Variants in UPF3B observed in about 807,000 individuals in gnomAD.
The protein encoded by UPF3B is regulator of nonsense transcripts 3B.
UPF3B carries 7 observed loss-of-function variants against 40.3 expected under a neutral mutation model. The ratio of observed to expected loss-of-function variants is 0.17; its 90% CI spans 0.10 to 0.33. The LOEUF (loss-of-function observed/expected upper bound fraction) is 0.33. Among genes scored for constraint, UPF3B ranks in the 10% least tolerant of loss-of-function variants. UPF3B has a pLI of 1.00. For synonymous variants in UPF3B, 117 were observed against 117.3 expected, an observed-to-expected ratio of 1.00 and a Z score of 0.01; for missense variants, 229 against 358.9, an observed-to-expected ratio of 0.64 and a Z score of 2.93.
chrX:119,850,812 C>A (rs890604297), intron 3 of UPF3B, among the ~76,000 whole-genome samples: 3 of 111,818 alleles, frequency 2.7e-5, no homozygotes, highest in Non-Finnish European at 5.6e-5. Flanking sequence ...GATCTCAGCT[C>A]ACTGCAACCT....
intron 4 of UPF3B, among the ~76,000 whole-genome samples, chrX:119,821,305 CTCTTT>C (rs2055916273): frequency 8.9e-6 from 1 of 112,313 alleles, no homozygotes; most frequent in Non-Finnish European, 1.9e-5. Flanking sequence ...CCAGTTAAAC[CTCTTT>C]TCTTATAAAC....
In UPF3B at chrX:119,837,998, C is replaced by T. The variant is rs751342794; in HGVS notation, c.1061G>A (p.Arg354Gln). 4 of 1,208,985 alleles carry T rather than the reference C, an allele frequency of 3.3e-6. No homozygotes were observed. The highest frequency in any genetic ancestry group is 2.2e-5 in the Admixed American group (1 of 45,489). Reference sequence around the variant, plus strand: ...TTCTCGAAGTATGCGCTCCTGATCTCGTTCATATTCCCGTTCCCTCTCCCT... The same window carrying T: ...TTCTCGAAGTATGCGCTCCTGATCTTGTTCATATTCCCGTTCCCTCTCCCT... ...DYREREREYE[R>Q]DQERILRERE... Residue 354 changes from arginine to glutamine, a missense_variant, in exon 10 of 11, where the codon CGA (arginine) becomes CAA (glutamine). Transcript: ENST00000276201.
intron 4 of UPF3B, among the ~76,000 whole-genome samples, chrX:119,817,906 G>T (rs1412441532): frequency 8.9e-6 from 1 of 111,874 alleles, no homozygotes; most frequent in African/African-American, 3.2e-5. Flanking sequence ...TGGATAACTT[G>T]TAAGAAAGGA....
intron 5 of UPF3B, among the ~76,000 whole-genome samples, chrX:119,812,158 AAGG>A (rs1196925040): frequency 9.0e-5 from 10 of 110,874 alleles, no homozygotes; most frequent in African/African-American, 2.9e-4. Context: ...GAGGCAGAGG[AAGG>A]AGAATTTCTT....
intron 1 of UPF3B, among the ~76,000 whole-genome samples, chrX:119,852,516 C>T (rs1481479946): frequency 8.9e-6 from 1 of 112,494 alleles, no homozygotes; most frequent in Non-Finnish European, 1.9e-5. Context: ...TCTTCCCTCC[C>T]ATTATCATCT....
intron 5 of UPF3B, among the ~76,000 whole-genome samples, chrX:119,813,392 C>T (rs895988797): frequency 9.1e-6 from 1 of 109,625 alleles, no homozygotes; most frequent in African/African-American, 3.3e-5. Flanking sequence ...GCACCTCCTC[C>T]CCGCACTCAC....
In UPF3B at chrX:119,834,062, G is replaced by A. The variant is rs1375090425; in HGVS notation, c.*816C>T. The A allele has an allele frequency of 4.0e-6, 3 of 752,850 alleles. No homozygotes were observed. Among genetic ancestry groups the A allele is most frequent in the Non-Finnish European group, 3.1e-6 (2 of 639,104 alleles). The allele number at this position is 752,850 out of a possible 1,213,427, so 62.0% of individuals were successfully genotyped here. On this transcript the variant is annotated 3_prime_UTR_variant, in exon 11 of 11. Coordinates refer to ENST00000276201, the MANE Select transcript of UPF3B (RefSeq NM_080632.3). ...TGTTACTATTTATTGACATCAAAACGAAACAAGCTGAGACTAAAAGTTGCT... is the reference window on the plus strand; with the variant it reads ...TGTTACTATTTATTGACATCAAAACAAAACAAGCTGAGACTAAAAGTTGCT...
At chrX:119,809,677 C>T (rs991305842) in intron 5 of UPF3B, among the ~76,000 whole-genome samples, 3 of 111,889 alleles carry the variant, frequency 2.7e-5, no homozygotes, top group African/African-American at 9.7e-5. Flanking sequence ...GCTGAGATCG[C>T]GCCACAGCAC....
chrX:119,837,703 C>T, intron 10 of UPF3B, 54 bp downstream of exon 10: 1 of 1,160,214 alleles, frequency 8.6e-7, no homozygotes, highest in African/African-American at 1.8e-5. Flanking sequence ...TTTCTTTACA[C>T]TTGCAGGAAA....
intron 3 of UPF3B, among the ~76,000 whole-genome samples, chrX:119,827,009 CTT>C (rs960994396): frequency 7.1e-5 from 8 of 112,089 alleles, no homozygotes; most frequent in African/African-American, 2.6e-4. Flanking sequence ...TTAGCTAACT[CTT>C]TAGCAGAAAA....
chrX:119,809,143 C>A (rs1018930183), intron 5 of UPF3B, among the ~76,000 whole-genome samples: 2 of 111,296 alleles, frequency 1.8e-5, no homozygotes, highest in Non-Finnish European at 3.8e-5. Flanking sequence ...GCATGCCTTA[C>A]ATGACAGCAG....
exon 5 of UPF3B, chrX:119,815,290 C>T (rs2055855766): frequency 1.3e-6 from 1 of 780,536 alleles, no homozygotes; most frequent in African/African-American, 2.3e-5. Context: ...GATGGTAACG[C>T]TGCATCCCTG....
chrX:119,811,571 C>T (rs1384694014), intron 5 of UPF3B, among the ~76,000 whole-genome samples: 8 of 104,590 alleles, frequency 7.6e-5, no homozygotes, highest in East Asian at 3.0e-4. Context: ...ACTTGAACCC[C>T]GGAGGCAGAG....
chrX:119,831,706 G>T, downstream of UPF3B: 1 of 754,875 alleles, frequency 1.3e-6, no homozygotes, highest in Non-Finnish European at 1.6e-6. Context: ...CAGGAAAATA[G>T]TGTTGATAGT....
intron 4 of UPF3B, among the ~76,000 whole-genome samples, chrX:119,822,737 ACCTGGGACTACAGGCG>A (rs1186115879): frequency 9.0e-6 from 1 of 110,897 alleles, no homozygotes; most frequent in Non-Finnish European, 1.9e-5. Context: ...CCTCTCGAGT[ACCTGGGACTACAGGCG>A]CCTGCCACCA....
chrX:119,839,687 C>G (rs1041393927), intron 8 of UPF3B, among the ~76,000 whole-genome samples: 1 of 111,999 alleles, frequency 8.9e-6, no homozygotes, highest in East Asian at 2.8e-4. Flanking sequence ...GGCACACAGA[C>G]AGCCACTGCA....
At position 119,851,802 on chromosome X, in the gene UPF3B, C is replaced by T; in HGVS notation, c.228G>A (p.Glu76=). 1 of 1,035,538 alleles carries T rather than the reference C, an allele frequency of 9.7e-7. No homozygotes were observed. The allele number at this position is 1,035,538 out of a possible 1,213,427, so 85.3% of individuals were successfully genotyped here. A position where few individuals can be genotyped will look rare whatever the true frequency, so the allele number is the denominator to read the frequency against. The change falls in exon 2 of 11, where the codon GAG becomes GAA. Residue 76 remains glutamate, a synonymous_variant. Transcript: ENST00000276201. ...QLQEHLQPMP[E]HDYFEFFSND... is the part of the protein sequence containing the mutation. ...TAGAAAAAAACTCAAAATAATCATG[C>T]TCAGGCATAGGTTGAAGATGTTCCT...
At chrX:119,827,014 G>A (rs748715128) in intron 3 of UPF3B, among the ~76,000 whole-genome samples, 67 of 111,903 alleles carry the variant, frequency 6.0e-4, no homozygotes, top group African/African-American at 2.1e-3. Flanking sequence ...TAACTCTTTA[G>A]CAGAAAAATG....
intron 10 of UPF3B, among the ~76,000 whole-genome samples, chrX:119,836,909 C>G (rs2056100852): frequency 9.4e-6 from 1 of 106,320 alleles, no homozygotes; most frequent in Non-Finnish European, 1.9e-5. Flanking sequence ...CTTGGCCTCC[C>G]AAAGTGCTGG....
Sources: gnomAD v4.1 joint callset for allele counts (sites outside exome capture counted in the v4.1 genomes callset) on GRCh38, gnomAD v4.1.1 for gene constraint, MANE v1.5 for transcripts, NCBI Gene and HGNC (gene_info 2026-07-23, HGNC 2026-07-21) for gene names.